The following HHIPL2 variants were observed in gnomAD, a reference collection of about 807,000 sequenced individuals.
HHIPL2 encodes HHIP-like protein 2.
Under a neutral mutation model 61.0 loss-of-function variants are expected in HHIPL2, and 61 were observed. The ratio of observed to expected loss-of-function variants is 1.00; its 90% CI spans 0.81 to 1.24. HHIPL2 has a LOEUF of 1.24. HHIPL2 is among the 50% of genes most tolerant of loss of function. The pLI is 0.00. For missense variants in HHIPL2, 885 were observed against 910.2 expected (o/e 0.97, Z 0.36); for synonymous variants, 343 against 357.4 (o/e 0.96, Z 0.45).
intron 7 of HHIPL2, among the ~76,000 whole-genome samples, chr1:222,526,134 G>T (rs1284408229): frequency 6.6e-6 from 1 of 152,166 alleles, no homozygotes; most frequent in African/African-American, 2.4e-5. Context: ...GTGGGAAGTG[G>T]TATTGTGGCT....
chr1:222,524,298 T>C (rs1477522449), intron 7 of HHIPL2: 1 of 152,850 alleles, frequency 6.5e-6, no homozygotes, highest in African/African-American at 2.4e-5. Context: ...ACTTCCACTG[T>C]AGAGAGCAGA....
At position 222,544,165 on chromosome 1, in the gene HHIPL2, G is replaced by A; in HGVS notation, c.346C>T (p.Leu116Phe). The A allele has an allele frequency of 6.2e-7, 1 of 1,613,166 alleles. No individual in the cohort carries two copies. The highest frequency in any genetic ancestry group is 8.5e-7 in the Non-Finnish European group (1 of 1,180,008). ...GTCTGGGTGTTTTCGGCGTCGTAGA[G>A]GTGGGCTGCGTAGGGCGAGCACTCC... Reference protein sequence around the residue: ...CQECSPYAAHLYDAENTQTPL... With the variant: ...CQECSPYAAHFYDAENTQTPL... Residue 116 changes from leucine (L) to phenylalanine (F), a missense_variant, in exon 2 of 9, where the codon CTC becomes TTC. By Grantham distance (22) the Leu-to-Phe change is conservative. Transcript: ENST00000343410.
At position 222,544,204 on chromosome 1, in the gene HHIPL2, G is replaced by A. The variant is rs754099269; in HGVS notation, c.322-15C>T. 19 of 1,601,026 alleles carry A rather than the reference G, an allele frequency of 1.2e-5. No individual in the cohort carries two copies. The highest frequency in any genetic ancestry group is 1.7e-4 in the Middle Eastern group (1 of 5,992). On this transcript the variant is annotated splice_polypyrimidine_tract_variant and intron_variant, in intron 1 of 8. Transcript: ENST00000343410. ...GGCGAGCACTCCTAAAAAAGAACGC[G>A]GAGCTCAGGCTCAGCATCAGACCTG...
intron 5 of HHIPL2, 28 bp downstream of exon 5, chr1:222,538,620 G>C (rs1220000796): frequency 6.3e-7 from 1 of 1,592,652 alleles, no homozygotes; most frequent in Non-Finnish European, 8.6e-7. Flanking sequence ...AATAAAAAGA[G>C]GGAGAAGGGA....
chr1:222,527,048 C>G lies in HHIPL2; in HGVS notation c.1726G>C (p.Glu576Gln). Residue 576 changes from glutamate to glutamine, a missense_variant and splice_region_variant, in exon 7 of 9, where the codon GAG becomes CAG. Glu to Gln is a conservative substitution (Grantham distance 29, BLOSUM62 2). Coordinates refer to ENST00000343410, the MANE Select transcript of HHIPL2 (RefSeq NM_024746.4). The part of the protein sequence containing the change: ...IISFAEDEAG[E>Q]LYFLATSYPS... ...TAAGAGGTCGCCAGGAAATACAGCT[C>G]CCCTAAGGCAACAAAAATAGACAGG... is the stretch of plus-strand genomic sequence containing the variant. 6.2e-7 allele frequency: 1 copy of G among 1,612,176 alleles called. No individual in the cohort carries two copies. Among genetic ancestry groups the G allele is most frequent in the Non-Finnish European group, 8.5e-7 (1 of 1,178,978 alleles).
intron 1 of HHIPL2, 101 bp downstream of exon 1, chr1:222,547,623 G>T: frequency 9.9e-7 from 1 of 1,007,024 alleles, no homozygotes. Flanking sequence ...CCCGGCACAT[G>T]AACTTCTAAA....
chr1:222,540,820 T>C (rs576587807), intron 3 of HHIPL2, among the ~76,000 whole-genome samples: 1 of 152,382 alleles, frequency 6.6e-6, no homozygotes, highest in Non-Finnish European at 1.5e-5. Context: ...TTTCCTCATT[T>C]GAAAGTCAGA....
chr1:222,536,883 C>T (rs1659311321), intron 5 of HHIPL2, among the ~76,000 whole-genome samples: 1 of 150,178 alleles, frequency 6.7e-6, no homozygotes, highest in Non-Finnish European at 1.5e-5. Context: ...GACTCCATCT[C>T]TACAAAAAAA....
intron 4 of HHIPL2, among the ~76,000 whole-genome samples, chr1:222,539,327 C>A (rs1403259802): frequency 2.6e-5 from 4 of 151,678 alleles, no homozygotes; most frequent in African/African-American, 9.7e-5. Context: ...GTCAGGAGAT[C>A]GAGACCATCC....
chr1:222,522,738 G>T lies in HHIPL2; in HGVS notation c.2038C>A (p.Arg680=), dbSNP rs368433073. The part of the protein sequence containing the change: ...ASPTSSKNTL[R]GPGTKKKARV... ...GCTTTCTTCTTTGTACCAGGCCCTCGCAATGTATTCTTGCTGCTTGTAGGA... is the reference window on the plus strand; with the variant it reads ...GCTTTCTTCTTTGTACCAGGCCCTCTCAATGTATTCTTGCTGCTTGTAGGA... Residue 680 remains arginine, a synonymous_variant, in exon 9 of 9, where the codon CGA becomes AGA. Coordinates refer to ENST00000343410, the MANE Select transcript of HHIPL2 (RefSeq NM_024746.4). 2 of 1,614,096 alleles carry T rather than the reference G, an allele frequency of 1.2e-6. No individual in the cohort carries two copies. Among genetic ancestry groups the T allele is most frequent in the Admixed American group, 1.7e-5 (1 of 60,018 alleles).
intron 1 of HHIPL2, among the ~76,000 whole-genome samples, chr1:222,546,392 A>G (rs566277947): frequency 7.0e-4 from 107 of 152,338 alleles, no homozygotes; most frequent in Non-Finnish European, 1.0e-3. Flanking sequence ...CTGCAGAATC[A>G]TTGCTGGGTA....
In HHIPL2 at chr1:222,522,675, T is replaced by C. The variant is rs1026807644; in HGVS notation, c.2101A>G (p.Lys701Glu). 1.9e-6 allele frequency: 3 copies of C among 1,614,232 alleles called. No individual in the cohort carries two copies. In the Admixed American group the frequency reaches 5.0e-5, roughly 27 times the overall value. Residue 701 changes from lysine to glutamate, a missense_variant, in exon 9 of 9, where the codon AAG becomes GAG. Coordinates refer to ENST00000343410, the MANE Select transcript of HHIPL2 (RefSeq NM_024746.4). ...CTGCCACTGTGGCTTTTCAGGCTCT[T>C]CCTCCTCTTGCCCTGGCGGACGTGG... ...GPHVRQGKRRKSLKSHSGRMR... is the reference protein window; with the variant it reads ...GPHVRQGKRRESLKSHSGRMR...
chr1:222,527,153 A>G (rs1659086892), intron 6 of HHIPL2, 103 bp from the exon 7 acceptor site: 2 of 840,716 alleles, frequency 2.4e-6, no homozygotes, highest in Admixed American at 2.5e-5. Flanking sequence ...TGGCCCTAAA[A>G]TGCAGTGAGC....
intron 5 of HHIPL2, among the ~76,000 whole-genome samples, chr1:222,535,441 A>G (rs895596751): frequency 1.8e-4 from 27 of 152,210 alleles, no homozygotes; most frequent in African/African-American, 5.8e-4. Flanking sequence ...TCAACTACAA[A>G]TTACGACAAC....
At chr1:222,529,178 T>A (rs574353758) in intron 6 of HHIPL2, among the ~76,000 whole-genome samples, 3 of 152,200 alleles carry the variant, frequency 2.0e-5, no homozygotes, top group Non-Finnish European at 1.5e-5. Flanking sequence ...GTGCTAAGTG[T>A]GAGCCTCATG....
At chr1:222,532,724 G>A (rs1659218798) in intron 5 of HHIPL2, among the ~76,000 whole-genome samples, 1 of 151,988 alleles carries the variant, frequency 6.6e-6, no homozygotes, top group African/African-American at 2.4e-5. Context: ...ATATCTCTAA[G>A]CTTCAGATTC....
chr1:222,542,181 G>A lies in HHIPL2; in HGVS notation c.975-26C>T, dbSNP rs764656114. Reference sequence around the variant, plus strand: ...CTGGAAGAGAAAAAAGAAACCACACGTTAGGATTTGACACAAGCTGAAGCT... The same window carrying A: ...CTGGAAGAGAAAAAAGAAACCACACATTAGGATTTGACACAAGCTGAAGCT... On this transcript the variant is annotated intron_variant, in intron 2 of 8. Coordinates refer to ENST00000343410, the MANE Select transcript of HHIPL2 (RefSeq NM_024746.4). 23 of 1,609,316 alleles carry A rather than the reference G, an allele frequency of 1.4e-5. No individual in the cohort carries two copies. In the Admixed American group the frequency reaches 2.9e-4, roughly 20 times the overall value.
chr1:222,522,606 G>A lies in HHIPL2; in HGVS notation c.2170C>T (p.Pro724Ser), dbSNP rs372673738. ...CGGCCACCTTGACCAATAGGTCAAG[G>A]GAGACTTCTGCCAGCTCGCTTCTGC... ...AEQKRAGRSL[P>S] The change falls in exon 9 of 9, where the codon CCT becomes TCT. Residue 724 changes from proline to serine, a missense_variant. Physicochemically the swap from Pro to Ser is moderately conservative, Grantham distance 74. Coordinates refer to ENST00000343410, the MANE Select transcript of HHIPL2 (RefSeq NM_024746.4). 2.2e-5 allele frequency: 35 copies of A among 1,612,196 alleles called. No homozygotes were observed. Among genetic ancestry groups the A allele is most frequent in the Non-Finnish European group, 2.7e-5 (32 of 1,179,994 alleles).
intron 6 of HHIPL2, among the ~76,000 whole-genome samples, chr1:222,528,759 A>G (rs1659126027): frequency 6.6e-6 from 1 of 152,018 alleles, no homozygotes; most frequent in Non-Finnish European, 1.5e-5. Flanking sequence ...GAAAATGTCT[A>G]TTAAGTTGCA....
Sources: allele counts gnomAD v4.1 joint callset (sites outside exome capture counted in the v4.1 genomes callset), GRCh38; gene constraint gnomAD v4.1.1; transcripts MANE v1.5; gene names NCBI Gene and HGNC (gene_info 2026-07-23, HGNC 2026-07-21).